AOC1: variants seen among roughly 807,000 people sequenced by gnomAD.
AOC1 encodes the protein diamine oxidase [copper-containing].
In AOC1, 58 loss-of-function variants were observed where a neutral mutation model predicts 57.1. The observed-to-expected ratio is 1.02, with a 90% CI of 0.82 to 1.26. The LOEUF (loss-of-function observed/expected upper bound fraction) is 1.26, where lower values mean the gene tolerates loss of function less well. AOC1 is among the 50% of genes most tolerant of loss of function. The pLI, the probability that AOC1 is intolerant of heterozygous loss-of-function variation, is 0.00. For synonymous variants in AOC1, 401 were observed against 423.4 expected (o/e 0.95, Z 0.65); for missense variants, 917 against 1,005.3 (o/e 0.91, Z 1.19).
rs137910086 is a variant in AOC1 at position 150,860,963 on chromosome 7, G to C, written c.2010G>C (p.Thr670=). Residue 670 remains threonine (T), a synonymous_variant, in exon 5 of 5, where the codon ACG becomes ACC. Transcript: ENST00000360937. The stretch of plus-strand genomic sequence containing the variant: ...TGCAGGACCTGGTGGCCTGGGTGAC[G>C]GTGGGCTTCCTGCACATCCCCCACT... ...IENEDLVAWV[T]VGFLHIPHSE... is the part of the protein sequence containing the mutation. The C allele has an allele frequency of 6.2e-7, 1 of 1,613,142 alleles. No homozygotes were observed.
chr7:150,853,480 G>T (rs1799677965), intron 1 of AOC1, among the ~76,000 whole-genome samples: 1 of 151,568 alleles, frequency 6.6e-6, no homozygotes, highest in Admixed American at 6.6e-5. Context: ...ACTTTTAATA[G>T]ACTTTTTAAA....
In AOC1 at chr7:150,861,356, GCACA is replaced by G. The variant is rs34090933; in HGVS notation, c.*154_*157del. On this transcript the variant is annotated 3_prime_UTR_variant, in exon 5 of 5. Transcript: ENST00000360937. The surrounding 1 kb of genome is among the most constrained non-coding windows in gnomAD (Gnocchi z 4.5). ...GTGTAGGAAACACACGAACAGACGT[GCACA>G]CACACAGACGTGCACACACACACAG... 5.1e-6 allele frequency: 4 copies of G among 779,592 alleles called. No individual in the cohort carries two copies. Among genetic ancestry groups the G allele is most frequent in the East Asian group, 5.6e-5 (2 of 36,006 alleles). 48.3% of individuals were successfully genotyped at this position (779,592 alleles called of 1,614,324 possible). A position where few individuals can be genotyped will look rare whatever the true frequency, so the allele number is the denominator to read the frequency against.
Position 150,857,868 on chromosome 7 carries a change from C to T in AOC1, c.1398C>T (p.Asp466=). 2 of 1,613,786 alleles carry T rather than the reference C, an allele frequency of 1.2e-6. No individual in the cohort carries two copies. The highest frequency in any genetic ancestry group is 1.7e-6 in the Non-Finnish European group (2 of 1,179,712). ...TCTACAATTATGATTACATTTGGGA[C>T]TTTATCTTCTACCCCAACGGGGTGA... The part of the protein sequence containing the change: ...STVYNYDYIW[D]FIFYPNGVME... The change falls in exon 2 of 5, where the codon GAC becomes GAT. Residue 466 remains aspartate (D), a synonymous_variant. Transcript: ENST00000360937. This position sits in a 1 kb window ranked among gnomAD's most constrained non-coding sequence, Gnocchi z 6.6.
At position 150,856,760 on chromosome 7, in the gene AOC1, C is replaced by T; in HGVS notation, c.290C>T (p.Ala97Val). The T allele has an allele frequency of 3.7e-6, 6 of 1,614,150 alleles. No homozygotes were observed. Among genetic ancestry groups the T allele is most frequent in the Non-Finnish European group, 5.1e-6 (6 of 1,179,986 alleles). The change falls in exon 2 of 5, where the codon GCC becomes GTC. Residue 97 changes from alanine to valine, a missense_variant. Coordinates refer to ENST00000360937, the MANE Select transcript of AOC1 (RefSeq NM_001091.4). This position sits in a 1 kb window ranked among gnomAD's most constrained non-coding sequence, Gnocchi z 5.2. ...GGTGAAAGGCATCCTGTGCGGGAAG[C>T]CCGTGCCGTCATCTTCTTTGGTGAC... Reference protein sequence around the residue: ...DKGERHPVREARAVIFFGDQE... With the variant: ...DKGERHPVREVRAVIFFGDQE...
At position 150,857,335 on chromosome 7, in the gene AOC1, G is replaced by C. The variant is rs765264205; in HGVS notation, c.865G>C (p.Gly289Arg). ...PPLFSSHKPRGDFPSPIHVSG... is the reference protein window; with the variant it reads ...PPLFSSHKPRRDFPSPIHVSG... ...CCTCTTCTCCTCCCACAAGCCCCGC[G>C]GGGACTTCCCCAGCCCCATCCATGT... The change falls in exon 2 of 5, where the codon GGG (glycine) becomes CGG (arginine). Residue 289 changes from glycine (G) to arginine (R), a missense_variant. Coordinates refer to ENST00000360937, the MANE Select transcript of AOC1 (RefSeq NM_001091.4). This position sits in a 1 kb window ranked among gnomAD's most constrained non-coding sequence, Gnocchi z 6.6. 1 of 1,601,572 alleles carries C rather than the reference G, an allele frequency of 6.2e-7. No individual in the cohort carries two copies. The highest frequency in any genetic ancestry group is 1.1e-5 in the South Asian group (1 of 89,948).
At chr7:150,854,744 C>T (rs1253631389) in intron 1 of AOC1, among the ~76,000 whole-genome samples, 2 of 152,204 alleles carry the variant, frequency 1.3e-5, no homozygotes, top group Non-Finnish European at 1.5e-5. Context: ...AAATGAAAAG[C>T]GCTCATGATG....
chr7:150,857,456 G>C lies in AOC1; in HGVS notation c.986G>C (p.Arg329Pro), dbSNP rs367694828. ...YGGWSFAFRL[R>P]SSSGLQVLNV... Reference sequence around the variant, plus strand: ...GGCTGGAGCTTTGCCTTCCGGCTGCGCTCCTCCTCCGGGCTGCAGGTCCTG... The same window carrying C: ...GGCTGGAGCTTTGCCTTCCGGCTGCCCTCCTCCTCCGGGCTGCAGGTCCTG... The change falls in exon 2 of 5, where the codon CGC (arginine) becomes CCC (proline). Residue 329 changes from arginine to proline, a missense_variant. Coordinates refer to ENST00000360937, the MANE Select transcript of AOC1 (RefSeq NM_001091.4). The surrounding 1 kb of genome is among the most constrained non-coding windows in gnomAD (Gnocchi z 6.6). 6.2e-7 allele frequency: 1 copy of C among 1,612,006 alleles called. No individual in the cohort carries two copies. The highest frequency in any genetic ancestry group is 8.5e-7 in the Non-Finnish European group (1 of 1,179,664).
At position 150,856,664 on chromosome 7, in the gene AOC1, C is replaced by T; in HGVS notation, c.194C>T (p.Ala65Val). 1 of 1,614,128 alleles carries T rather than the reference C, an allele frequency of 6.2e-7. No homozygotes were observed. The highest frequency in any genetic ancestry group is 1.1e-5 in the South Asian group (1 of 91,084). The change falls in exon 2 of 5, where the codon GCC becomes GTC. Residue 65 changes from alanine (A) to valine (V), a missense_variant. Coordinates refer to ENST00000360937, the MANE Select transcript of AOC1 (RefSeq NM_001091.4). The surrounding 1 kb of genome is among the most constrained non-coding windows in gnomAD (Gnocchi z 5.2). ...RLQPSSTTTM[A>V]KNTVFLIEML... The stretch of plus-strand genomic sequence containing the variant: ...CAGCCCTCCAGTACCACCACCATGG[C>T]CAAGAACACCGTGTTTCTCATCGAG...
intron 1 of AOC1, among the ~76,000 whole-genome samples, chr7:150,855,967 C>T (rs991891043): frequency 1.3e-5 from 2 of 151,722 alleles, no homozygotes; most frequent in Non-Finnish European, 3.0e-5. Flanking sequence ...GGACTTGACT[C>T]AGACAGCCTG....
At position 150,852,817 on chromosome 7, in the gene AOC1, G is replaced by A. The variant is rs1799660284; in HGVS notation, c.-17+259G>A. Among the ~76,000 whole-genome samples the A allele has an allele frequency of 6.6e-6, 1 of 152,174 alleles. No individual in the cohort carries two copies. The highest frequency in any genetic ancestry group is 1.5e-5 in the Non-Finnish European group (1 of 68,024). ...AGGGCTTGCTTCCTGTTCCTGCCTG[G>A]AGGTCTCACCAGCCACCACCCCCAC... On this transcript the variant is annotated intron_variant, in intron 1 of 4. Transcript: ENST00000360937. The surrounding 1 kb of genome is among the most constrained non-coding windows in gnomAD (Gnocchi z 4.6).
At chr7:150,855,680 C>T (rs1255359635) in intron 1 of AOC1, among the ~76,000 whole-genome samples, 1 of 152,194 alleles carries the variant, frequency 6.6e-6, no homozygotes, top group Non-Finnish European at 1.5e-5. Context: ...AGCCTAGTCA[C>T]ACCTGAATCA....
chr7:150,860,337 C>A lies in AOC1; in HGVS notation c.1857-164C>A, dbSNP rs1392968519. ...GAGGACTCCTGTGGGTCACCTGAAC[C>A]CGGTTAACAGCAGCCCGTCCTGCTG... is the stretch of plus-strand genomic sequence containing the variant. On this transcript the variant is annotated intron_variant, in intron 3 of 4. Transcript: ENST00000360937. 27 of 1,263,446 alleles carry A rather than the reference C, an allele frequency of 2.1e-5. No homozygotes were observed. In the East Asian group the frequency reaches 6.4e-4, roughly 30 times the overall value. 78.3% of individuals were successfully genotyped at this position (1,263,446 alleles called of 1,614,324 possible). A position where few individuals can be genotyped will look rare whatever the true frequency, so the allele number is the denominator to read the frequency against.
rs751075124 is a variant in AOC1 at position 150,857,631 on chromosome 7, C to T, written c.1161C>T (p.Pro387=). ...GLGSVTHELA[P]GIDCPETATF... The stretch of plus-strand genomic sequence containing the variant: ...GCAGCGTCACTCATGAGTTAGCCCC[C>T]GGCATCGACTGCCCGGAGACCGCCA... The change falls in exon 2 of 5, where the codon CCC becomes CCT. Residue 387 remains proline, a synonymous_variant. Transcript: ENST00000360937. This position sits in a 1 kb window ranked among gnomAD's most constrained non-coding sequence, Gnocchi z 6.6. 1.7e-5 allele frequency: 27 copies of T among 1,613,906 alleles called. No individual in the cohort carries two copies. Among genetic ancestry groups the T allele is most frequent in the Admixed American group, 1.5e-4 (9 of 60,012 alleles).
chr7:150,858,110 C>T (rs367805014), intron 2 of AOC1, 70 bp downstream of exon 2: 70 of 1,479,744 alleles, frequency 4.7e-5, no homozygotes, highest in African/African-American at 5.6e-5. Flanking sequence ...TCCCAGGAGA[C>T]GGCACTATAA....
At chr7:150,855,663 A>G (rs1799748953) in intron 1 of AOC1, among the ~76,000 whole-genome samples, 1 of 152,220 alleles carries the variant, frequency 6.6e-6, no homozygotes, top group South Asian at 2.1e-4. Flanking sequence ...CAAAGCCATC[A>G]GTCTGCAGCC....
Position 150,861,077 on chromosome 7 carries a change from G to T in AOC1, c.2124G>T (p.Leu708=), listed in dbSNP as rs369339849. The stretch of plus-strand genomic sequence containing the variant: ...ACTTCTTCCCAGAGGACCCCTCCCT[G>T]GCATCCAGAGACACTGTGATCGTGT... ...PFNFFPEDPS[L]ASRDTVIVWP... is the part of the protein sequence containing the mutation. The change falls in exon 5 of 5, where the codon CTG becomes CTT. Residue 708 remains leucine (L), a synonymous_variant. Transcript: ENST00000360937. The surrounding 1 kb of genome is among the most constrained non-coding windows in gnomAD (Gnocchi z 4.5). 9.0e-5 allele frequency: 146 copies of T among 1,614,000 alleles called. 2 individuals carry two copies. Among genetic ancestry groups the T allele is most frequent in the Middle Eastern group, 6.6e-4 (4 of 6,084 alleles).
Position 150,857,251 on chromosome 7 carries a change from G to C in AOC1, c.781G>C (p.Val261Leu). Residue 261 changes from valine to leucine, a missense_variant, in exon 2 of 5, where the codon GTG becomes CTG. Coordinates refer to ENST00000360937, the MANE Select transcript of AOC1 (RefSeq NM_001091.4). The surrounding 1 kb of genome is among the most constrained non-coding windows in gnomAD (Gnocchi z 6.6). Reference sequence around the variant, plus strand: ...GTATGCAGATGGAGAGGTGGACGTGGTGGTCCTGGAGGACCCGCTGCCTGG... The same window carrying C: ...GTATGCAGATGGAGAGGTGGACGTGCTGGTCCTGGAGGACCCGCTGCCTGG... ...RKYADGEVDV[V>L]VLEDPLPGGK... 6 of 1,611,482 alleles carry C rather than the reference G, an allele frequency of 3.7e-6. No homozygotes were observed. Among genetic ancestry groups the C allele is most frequent in the Non-Finnish European group, 5.1e-6 (6 of 1,178,640 alleles).
In AOC1 at chr7:150,861,219, A is replaced by G. The variant is rs755615373; in HGVS notation, c.*10A>G. On this transcript the variant is annotated 3_prime_UTR_variant, in exon 5 of 5. Coordinates refer to ENST00000360937, the MANE Select transcript of AOC1 (RefSeq NM_001091.4). This position sits in a 1 kb window ranked among gnomAD's most constrained non-coding sequence, Gnocchi z 4.5. ...CTATAGACCTGTGTGACCAGCCCCC[A>G]GTTCCTCCCCCAGTTCCTCCCAGGA... 2 of 1,558,686 alleles carry G rather than the reference A, an allele frequency of 1.3e-6. No homozygotes were observed. The highest frequency in any genetic ancestry group is 1.7e-6 in the Non-Finnish European group (2 of 1,145,162).
chr7:150,858,095 T>G, intron 2 of AOC1, 55 bp downstream of exon 2: 1 of 1,489,038 alleles, frequency 6.7e-7, no homozygotes, highest in African/African-American at 1.4e-5. Flanking sequence ...GCCAATAACT[T>G]AAACTCCCAG....
Sources: allele counts gnomAD v4.1 joint callset (sites outside exome capture counted in the v4.1 genomes callset), GRCh38; gene constraint gnomAD v4.1.1; non-coding constraint Gnocchi (gnomAD v3.1); transcripts MANE v1.5; gene names NCBI Gene and HGNC (gene_info 2026-07-23, HGNC 2026-07-21).